Variants in COPS4 observed in about 807,000 individuals in gnomAD.
The protein encoded by COPS4 is COP9 signalosome complex subunit 4.
A neutral mutation model predicts 55.1 loss-of-function variants in COPS4; 8 were observed. The ratio of observed to expected loss-of-function variants is 0.15; its 90% CI spans 0.09 to 0.26. The LOEUF is 0.26. Among genes scored for constraint, COPS4 ranks in the 10% least tolerant of loss-of-function variants. COPS4 has a pLI of 1.00. For missense variants in COPS4, 248 were observed against 484.0 expected (o/e 0.51, Z 4.58); for synonymous variants, 185 against 165.7 (o/e 1.12, Z -0.90).
At chr4:83,073,165 T>C (rs1731481372) in intron 9 of COPS4, 4 of 571,822 alleles carry the variant, frequency 7.0e-6, no homozygotes, top group African/African-American at 5.5e-5. Context: ...AGGAAGCCCT[T>C]GCCCTTTAAG....
chr4:83,055,585 A>G (rs1334823257), intron 4 of COPS4, among the ~76,000 whole-genome samples: 1 of 152,018 alleles, frequency 6.6e-6, no homozygotes, highest in East Asian at 1.9e-4. Flanking sequence ...CTGGGACTGC[A>G]GGCATGTGCC....
At chr4:83,061,687 G>T (rs1442238691) in intron 6 of COPS4, among the ~76,000 whole-genome samples, 1 of 150,448 alleles carries the variant, frequency 6.6e-6, no homozygotes, top group African/African-American at 2.4e-5. Context: ...TGTTTAAATT[G>T]TTCCAATCAT....
intron 1 of COPS4, among the ~76,000 whole-genome samples, chr4:83,044,100 G>A (rs1188142460): frequency 1.3e-5 from 2 of 152,134 alleles, no homozygotes; most frequent in African/African-American, 2.4e-5. Flanking sequence ...ATGACTTTCC[G>A]AATAATTGCA....
intron 7 of COPS4, 76 bp downstream of exon 7, chr4:83,063,322 G>T: frequency 1.0e-6 from 1 of 967,268 alleles, no homozygotes; most frequent in Non-Finnish European, 1.5e-6. Context: ...TAAATTAGAA[G>T]TATCTTTTAA....
chr4:83,072,961 G>A (rs1446845194), intron 9 of COPS4, among the ~76,000 whole-genome samples: 1 of 152,018 alleles, frequency 6.6e-6, no homozygotes. Context: ...AGAATTGCTT[G>A]AGCTCAAGAG....
chr4:83,070,529 T>C (rs1279903060), intron 9 of COPS4, among the ~76,000 whole-genome samples: 1 of 152,192 alleles, frequency 6.6e-6, no homozygotes, highest in Non-Finnish European at 1.5e-5. Flanking sequence ...CTCCTTATCC[T>C]TGGGCTCAAA....
In COPS4 at chr4:83,049,919, G is replaced by A; in HGVS notation, c.345G>A (p.Glu115=). The A allele has an allele frequency of 1.9e-6, 3 of 1,611,642 alleles. No homozygotes were observed. Among genetic ancestry groups the A allele is most frequent in the Non-Finnish European group, 2.5e-6 (3 of 1,178,998 alleles). The change falls in exon 4 of 10, where the codon GAG becomes GAA. Residue 115 remains glutamate, a synonymous_variant. Transcript: ENST00000264389. The part of the protein sequence containing the change: ...SIRQHLASIY[E]KEEDWRNAAQ... ...GACAGCATCTTGCATCTATATATGA[G>A]AAAGAAGAAGATTGGAGAAATGCAG...
At chr4:83,052,388 T>G (rs1730909650) in intron 4 of COPS4, among the ~76,000 whole-genome samples, 1 of 152,162 alleles carries the variant, frequency 6.6e-6, no homozygotes, top group East Asian at 1.9e-4. Context: ...GTGTCAGAGA[T>G]TCTCAGCCTC....
At chr4:83,041,336 T>G (rs1730564176) in intron 1 of COPS4, among the ~76,000 whole-genome samples, 1 of 152,084 alleles carries the variant, frequency 6.6e-6, no homozygotes, top group Admixed American at 6.5e-5. Context: ...GTGCTGAGAT[T>G]ACAGGCGTGA....
At chr4:83,067,270 G>A (rs1157247417) in intron 8 of COPS4, among the ~76,000 whole-genome samples, 1 of 151,224 alleles carries the variant, frequency 6.6e-6, no homozygotes, top group Non-Finnish European at 1.5e-5. Context: ...GAGACGGACT[G>A]TAGCTCTGTT....
At chr4:83,041,609 A>T (rs1016498265) in intron 1 of COPS4, among the ~76,000 whole-genome samples, 1 of 151,420 alleles carries the variant, frequency 6.6e-6, no homozygotes, top group Non-Finnish European at 1.5e-5. Context: ...TGGGACTTAC[A>T]GTTGTGCACC....
In COPS4 at chr4:83,049,224, A is replaced by G. The variant is rs753384054; in HGVS notation, c.213A>G (p.Thr71=). The change falls in exon 3 of 10, where the codon ACA becomes ACG. Residue 71 remains threonine, a synonymous_variant. Coordinates refer to ENST00000264389, the MANE Select transcript of COPS4 (RefSeq NM_016129.3). ...GGCAGTTGCTGACTGATTTTTGCAC[A>G]CATCTTCCTAACTTGCCTGATAGCA... ...ISRQLLTDFC[T]HLPNLPDSTA... 1.2e-6 allele frequency: 2 copies of G among 1,611,976 alleles called. No individual in the cohort carries two copies. Among genetic ancestry groups the G allele is most frequent in the Middle Eastern group, 1.7e-4 (1 of 6,050 alleles).
chr4:83,068,582 T>C (rs1731346508), intron 9 of COPS4, 60 bp downstream of exon 9: 14 of 1,040,852 alleles, frequency 1.3e-5, no homozygotes, highest in Non-Finnish European at 2.1e-5. Flanking sequence ...ATATTTGTGA[T>C]TAAAACATGT....
chr4:83,037,199 T>C (rs1305739973), intron 1 of COPS4, among the ~76,000 whole-genome samples: 1 of 152,208 alleles, frequency 6.6e-6, no homozygotes, highest in Admixed American at 6.5e-5. Context: ...TTGGGCTTTC[T>C]TAGGTGCCTA....
intron 6 of COPS4, among the ~76,000 whole-genome samples, chr4:83,059,140 T>G (rs1731095440): frequency 6.6e-6 from 1 of 152,218 alleles, no homozygotes; most frequent in South Asian, 2.1e-4. Flanking sequence ...GTTTGTCCTT[T>G]CTTGGTGGCT....
At chr4:83,061,091 A>G (rs1021869777) in intron 6 of COPS4, among the ~76,000 whole-genome samples, 3 of 151,344 alleles carry the variant, frequency 2.0e-5, no homozygotes, top group African/African-American at 4.8e-5. Flanking sequence ...ATTACATTCT[A>G]TGTTACAAAA....
intron 6 of COPS4, among the ~76,000 whole-genome samples, chr4:83,059,905 G>C (rs1241542638): frequency 6.6e-6 from 1 of 151,976 alleles, no homozygotes; most frequent in Non-Finnish European, 1.5e-5. Context: ...GTTTCACCAT[G>C]TTAGCCAGGA....
intron 6 of COPS4, among the ~76,000 whole-genome samples, chr4:83,059,958 T>C (rs1002094146): frequency 6.6e-6 from 1 of 151,898 alleles, no homozygotes; most frequent in Non-Finnish European, 1.5e-5. Context: ...TCCTCCGCCT[T>C]CCAAAGTGCT....
At chr4:83,054,420 CTTTT>C (rs1560439053) in intron 4 of COPS4, among the ~76,000 whole-genome samples, 1 of 152,148 alleles carries the variant, frequency 6.6e-6, no homozygotes, top group Non-Finnish European at 1.5e-5. Flanking sequence ...ACGGGGGATT[CTTTT>C]TTTGTTCTTC....
Sources: allele counts gnomAD v4.1 joint callset (sites outside exome capture counted in the v4.1 genomes callset), GRCh38; gene constraint gnomAD v4.1.1; transcripts MANE v1.5; gene names NCBI Gene and HGNC (gene_info 2026-07-23, HGNC 2026-07-21).